Variants in CTXND1 observed in about 807,000 individuals in gnomAD.
CTXND1 encodes cortexin domain-containing 1 protein.
At chr15:80,230,367 A>G (rs1325136140) in intron 1 of CTXND1, among the ~76,000 whole-genome samples, 1 of 152,074 alleles carries the variant, frequency 6.6e-6, no homozygotes, top group Non-Finnish European at 1.5e-5. Flanking sequence ...ATGCTCACAC[A>G]CTTCTGTGCT....
In CTXND1 at chr15:80,245,255, G is replaced by A. The variant is rs527719524; in HGVS notation, c.-218+6752C>T. On this transcript the variant is annotated intron_variant, in intron 1 of 2. Coordinates refer to ENST00000560778, the MANE Select transcript of CTXND1 (RefSeq NM_001352888.2). ...GCAGGCATCAAGACCTCTAGGTTCTGCCCCAACCAGCCTCACCAGGCACCT... is the reference window on the plus strand; with the variant it reads ...GCAGGCATCAAGACCTCTAGGTTCTACCCCAACCAGCCTCACCAGGCACCT... Among the ~76,000 whole-genome samples the A allele has an allele frequency of 2.6e-5, 4 of 152,306 alleles. No homozygotes were observed. The East Asian group carries it at 7.7e-4, about 29-fold the overall frequency.
rs995826329 is a variant in CTXND1, at chr15:80,201,818, G to A, written c.132C>T (p.Tyr44=). 35 of 398,784 alleles carry A rather than the reference G, an allele frequency of 8.8e-5. No homozygotes were observed. The highest frequency in any genetic ancestry group is 1.5e-4 in the Non-Finnish European group (34 of 226,244). 24.7% of individuals were successfully genotyped at this position (398,784 alleles called of 1,614,324 possible). The change falls in exon 3 of 3, where the codon TAC becomes TAT. Residue 44 remains tyrosine, a synonymous_variant. Coordinates refer to ENST00000560778, the MANE Select transcript of CTXND1 (RefSeq NM_001352888.2). ...CCCAGGTGGATGTGGGGATGGCGCTGTAAGGGTCCATGATGACCTTGGCAC... is the reference window on the plus strand; with the variant it reads ...CCCAGGTGGATGTGGGGATGGCGCTATAAGGGTCCATGATGACCTTGGCAC... ...IRCAKVIMDP[Y]SAIPTSTWEE...
At chr15:80,223,786 T>G (rs1360660872) in intron 1 of CTXND1, among the ~76,000 whole-genome samples, 3 of 146,352 alleles carry the variant, frequency 2.0e-5, no homozygotes, top group Admixed American at 6.9e-5. Flanking sequence ...GATGTGAAAT[T>G]AGAACCTTTT....
intron 1 of CTXND1, among the ~76,000 whole-genome samples, chr15:80,215,028 T>C (rs990027107): frequency 6.6e-6 from 1 of 152,204 alleles, no homozygotes; most frequent in Non-Finnish European, 1.5e-5. Context: ...TTCAAAGATA[T>C]GGATGTTTTC....
rs111766763 is a variant in CTXND1 at position 80,250,174 on chromosome 15, A to G, written c.-218+1833T>C. ...CTGTGCTGTAATAGTGTGGCCAGGT[A>G]GTGTAAATATTTGTTGGAGAAAGAT... On this transcript the variant is annotated intron_variant, in intron 1 of 2. Coordinates refer to ENST00000560778, the MANE Select transcript of CTXND1 (RefSeq NM_001352888.2). Among the ~76,000 whole-genome samples, 1,419 of 152,328 alleles carry G rather than the reference A, an allele frequency of 9.3e-3. 27 individuals carry two copies. The highest frequency in any genetic ancestry group is 0.032 in the African/African-American group (1,339 of 41,572).
At chr15:80,210,696 T>C (rs778597245) in intron 1 of CTXND1, among the ~76,000 whole-genome samples, 2 of 152,254 alleles carry the variant, frequency 1.3e-5, no homozygotes, top group Admixed American at 1.3e-4. Flanking sequence ...TATTTCCTTA[T>C]TTCTGTACAT....
intron 1 of CTXND1, among the ~76,000 whole-genome samples, chr15:80,228,034 C>A (rs1164127239): frequency 2.0e-5 from 3 of 152,226 alleles, no homozygotes; most frequent in Admixed American, 2.0e-4. Context: ...ATTCTAAATC[C>A]TTGGATGTCA....
intron 1 of CTXND1, among the ~76,000 whole-genome samples, chr15:80,246,919 C>G (rs943308600): frequency 6.6e-6 from 1 of 152,168 alleles, no homozygotes; most frequent in South Asian, 2.1e-4. Flanking sequence ...TCCTCGCAGT[C>G]GGATTCAGAT....
At chr15:80,205,964 A>G (rs367761942) in intron 1 of CTXND1, among the ~76,000 whole-genome samples, 2 of 152,368 alleles carry the variant, frequency 1.3e-5, no homozygotes, top group South Asian at 4.1e-4. Context: ...CCAATTTGAA[A>G]GAAAATTTGA....
chr15:80,204,647 G>GCATATATA (rs1893127531), intron 1 of CTXND1, among the ~76,000 whole-genome samples: 4 of 131,398 alleles, frequency 3.0e-5, no homozygotes, highest in Admixed American at 2.3e-4. Context: ...ATATTCCATT[G>GCATATATA]TATATATATA....
intron 1 of CTXND1, among the ~76,000 whole-genome samples, chr15:80,231,275 T>C (rs1411544829): frequency 6.6e-6 from 1 of 152,012 alleles, no homozygotes; most frequent in Non-Finnish European, 1.5e-5. Flanking sequence ...CATTATCTCA[T>C]GCACCTTGCC....
chr15:80,249,828 C>G (rs1235129392), intron 1 of CTXND1, among the ~76,000 whole-genome samples: 1 of 152,174 alleles, frequency 6.6e-6, no homozygotes, highest in Non-Finnish European at 1.5e-5. Flanking sequence ...ATTTCCATCC[C>G]AAACAGTTCT....
In CTXND1 at chr15:80,196,861, T is replaced by G. The variant is rs538340911; in HGVS notation, c.*4909A>C. The G allele has an allele frequency of 2.6e-5, 4 of 152,236 alleles. No individual in the cohort carries two copies. The highest frequency in any genetic ancestry group is 2.0e-4 in the Admixed American group (3 of 15,276). 9.4% of individuals were successfully genotyped at this position (152,236 alleles called of 1,614,324 possible). ...GAGGGCAGGAGGCAAGAGGTCAAGG[T>G]ATTTATTCCCCCAGCTCTCTTCCTA... On this transcript the variant is annotated 3_prime_UTR_variant, in exon 3 of 3. Coordinates refer to ENST00000560778, the MANE Select transcript of CTXND1 (RefSeq NM_001352888.2).
intron 1 of CTXND1, among the ~76,000 whole-genome samples, chr15:80,239,266 A>T (rs1893538005): frequency 1.3e-5 from 2 of 152,052 alleles, no homozygotes; most frequent in Non-Finnish European, 1.5e-5. Context: ...TCTCCATCCT[A>T]TGCCCTCTGG....
intron 1 of CTXND1, among the ~76,000 whole-genome samples, chr15:80,242,921 C>T (rs1210544668): frequency 1.3e-5 from 2 of 152,166 alleles, no homozygotes; most frequent in Admixed American, 6.5e-5. Flanking sequence ...CCATCTCATG[C>T]ATGTGTGGCT....
intron 1 of CTXND1, among the ~76,000 whole-genome samples, chr15:80,244,659 C>T (rs1893608417): frequency 6.6e-6 from 1 of 152,100 alleles, no homozygotes; most frequent in Non-Finnish European, 1.5e-5. Context: ...TGAATCAGCC[C>T]CAGACACTGC....
intron 1 of CTXND1, among the ~76,000 whole-genome samples, chr15:80,215,673 G>A (rs1336416226): frequency 2.6e-5 from 4 of 152,098 alleles, no homozygotes; most frequent in African/African-American, 7.2e-5. Flanking sequence ...GCATTATCTG[G>A]CCTCCAGGAT....
Position 80,197,926 on chromosome 15 carries a change from C to T in CTXND1, c.*3844G>A, listed in dbSNP as rs2041428656. The T allele has an allele frequency of 2.6e-5, 4 of 152,186 alleles. No individual in the cohort carries two copies. Among genetic ancestry groups the T allele is most frequent in the Admixed American group, 2.6e-4 (4 of 15,276 alleles). 9.4% of individuals were successfully genotyped at this position (152,186 alleles called of 1,614,324 possible). On this transcript the variant is annotated 3_prime_UTR_variant, in exon 3 of 3. Coordinates refer to ENST00000560778, the MANE Select transcript of CTXND1 (RefSeq NM_001352888.2). ...TTTCAACTCGATAAGAACATGTAGACATTTCAGCAACTAATTGGAAAAAAA... is the reference window on the plus strand; with the variant it reads ...TTTCAACTCGATAAGAACATGTAGATATTTCAGCAACTAATTGGAAAAAAA...
intron 1 of CTXND1, among the ~76,000 whole-genome samples, chr15:80,231,562 G>T (rs1300408599): frequency 6.6e-6 from 1 of 152,136 alleles, no homozygotes; most frequent in Non-Finnish European, 1.5e-5. Flanking sequence ...TGAAATAAGG[G>T]AGTTTGGAAA....
Sources: gnomAD v4.1 joint callset for allele counts (sites outside exome capture counted in the v4.1 genomes callset) on GRCh38, gnomAD v4.1.1 for gene constraint, MANE v1.5 for transcripts, NCBI Gene and HGNC (gene_info 2026-07-23, HGNC 2026-07-21) for gene names.